NSUN6: variants seen among roughly 807,000 people sequenced by gnomAD.
The protein encoded by NSUN6 is NOP2/Sun RNA methyltransferase 6.
A neutral mutation model predicts 58.0 loss-of-function variants in NSUN6; 64 were observed. The observed-to-expected ratio is 1.10, with a 90% CI of 0.90 to 1.36. The LOEUF (loss-of-function observed/expected upper bound fraction) is 1.36. Among genes scored for constraint, NSUN6 ranks in the 40% most tolerant of loss-of-function variants. The pLI is 0.00. For missense variants in NSUN6, 701 were observed against 550.1 expected, an observed-to-expected ratio of 1.27 and a Z score of -2.74; for synonymous variants, 231 against 193.9, an observed-to-expected ratio of 1.19 and a Z score of -1.59.
chr10:18,597,608 A>G (rs893658525), intron 6 of NSUN6, among the ~76,000 whole-genome samples: 2 of 152,076 alleles, frequency 1.3e-5, no homozygotes, highest in African/African-American at 2.4e-5. Context: ...CATCTCTACT[A>G]AAAATACATT....
chr10:18,651,878 C>T, upstream of NSUN6: 5 of 985,370 alleles, frequency 5.1e-6, no homozygotes, highest in Non-Finnish European at 6.0e-6. Flanking sequence ...AGCCAAATGG[C>T]GTGGGTTGAG....
chr10:18,563,294 G>A (rs529774652), intron 8 of NSUN6, among the ~76,000 whole-genome samples: 2 of 150,596 alleles, frequency 1.3e-5, no homozygotes, highest in East Asian at 2.0e-4. Flanking sequence ...GAATGGAATC[G>A]AGAATGCAGA....
At chr10:18,624,305 G>C (rs1047151017) in intron 3 of NSUN6, among the ~76,000 whole-genome samples, 12 of 151,966 alleles carry the variant, frequency 7.9e-5, no homozygotes, top group Middle Eastern at 3.4e-3. Context: ...GCAAAGCACA[G>C]ACAAGATAAA....
intron 3 of NSUN6, among the ~76,000 whole-genome samples, chr10:18,641,241 A>G (rs2059382874): frequency 6.6e-6 from 1 of 152,140 alleles, no homozygotes; most frequent in Non-Finnish European, 1.5e-5. Flanking sequence ...AATTTTAACA[A>G]AAGCATTTCT....
At chr10:18,586,179 T>TA in intron 7 of NSUN6, 86 bp from the exon 8 acceptor site, 1 of 1,095,204 alleles carries the variant, frequency 9.1e-7, no homozygotes, top group Non-Finnish European at 1.3e-6. Context: ...GAGAAAAACA[T>TA]GAAAAATTAT....
At chr10:18,558,814 G>A (rs890536564) in intron 8 of NSUN6, among the ~76,000 whole-genome samples, 4 of 150,418 alleles carry the variant, frequency 2.7e-5, no homozygotes, top group Non-Finnish European at 4.4e-5. Flanking sequence ...GAATGGAAGG[G>A]AGAATGGAAT....
chr10:18,572,027 C>T (rs764874333), intron 8 of NSUN6, among the ~76,000 whole-genome samples: 1 of 150,218 alleles, frequency 6.7e-6, no homozygotes, highest in Non-Finnish European at 1.5e-5. Context: ...GCATTTCATT[C>T]TCCACTGCAT....
Position 18,627,586 on chromosome 10 carries a change from T to C in NSUN6, c.312-11293A>G, listed in dbSNP as rs570614986. ...GCCCGAGCCAAAGCAGGGCGAGGCATTGCCTCACTCGGGAAGCACAAGGGG... is the reference window on the plus strand; with the variant it reads ...GCCCGAGCCAAAGCAGGGCGAGGCACTGCCTCACTCGGGAAGCACAAGGGG... On this transcript the variant is annotated intron_variant, in intron 3 of 10. Coordinates refer to ENST00000377304, the MANE Select transcript of NSUN6 (RefSeq NM_182543.5). Among the ~76,000 whole-genome samples the C allele has an allele frequency of 1.9e-3, 294 of 152,272 alleles. 1 individual carries two copies. Among genetic ancestry groups the C allele is most frequent in the African/African-American group, 6.6e-3 (275 of 41,562 alleles).
intron 7 of NSUN6, among the ~76,000 whole-genome samples, chr10:18,589,395 T>C (rs1245184179): frequency 1.3e-5 from 2 of 151,850 alleles, no homozygotes; most frequent in Non-Finnish European, 2.9e-5. Flanking sequence ...CAGGCCCAAG[T>C]TCAAATTCAG....
At chr10:18,606,384 G>A (rs1360799961) in intron 6 of NSUN6, among the ~76,000 whole-genome samples, 2 of 39,234 alleles carry the variant, frequency 5.1e-5, no homozygotes, top group African/African-American at 1.1e-4. Context: ...TACAAACAAG[G>A]CAAGATAGTT....
At chr10:18,654,365 A>G (rs2059755436), upstream of NSUN6, among the ~76,000 whole-genome samples, 1 of 152,078 alleles carries the variant, frequency 6.6e-6, no homozygotes, top group South Asian at 2.1e-4. Context: ...CCAAAATGTT[A>G]TTTCAGACTG....
At chr10:18,643,175 C>G (rs1033580568) in intron 2 of NSUN6, among the ~76,000 whole-genome samples, 1 of 151,590 alleles carries the variant, frequency 6.6e-6, no homozygotes, top group Non-Finnish European at 1.5e-5. Flanking sequence ...ATTTATACCA[C>G]AGAAATCAAC....
Position 18,548,219 on chromosome 10 carries a change from G to C in NSUN6, c.1090C>G (p.Pro364Ala), listed in dbSNP as rs1013142727. 1 of 1,612,600 alleles carries C rather than the reference G, an allele frequency of 6.2e-7. No homozygotes were observed. The highest frequency in any genetic ancestry group is 1.3e-5 in the African/African-American group (1 of 74,884). ...GTGCTATAAACCAGCACACCCTCTG[G>C]CTTCAGCAGCTGAACCGCCTAAAGA... ...LFTAAVQLLK[P>A]EGVLVYSTCT... The change falls in exon 10 of 11, where the codon CCA becomes GCA. Residue 364 changes from proline (P) to alanine (A), a missense_variant. By Grantham distance (27) the Pro-to-Ala change is conservative. Transcript: ENST00000377304.
intron 3 of NSUN6, among the ~76,000 whole-genome samples, chr10:18,624,575 C>T (rs374041347): frequency 9.9e-4 from 131 of 131,786 alleles, no homozygotes; most frequent in African/African-American, 3.5e-3. Context: ...GGCGTAGACC[C>T]GGGATGTAGA....
chr10:18,578,515 G>A (rs549399708), intron 8 of NSUN6, among the ~76,000 whole-genome samples: 159 of 152,198 alleles, frequency 1.0e-3, no homozygotes, highest in African/African-American at 3.6e-3. Context: ...CTGGCTCAGG[G>A]GAAAGGGCTG....
intron 8 of NSUN6, among the ~76,000 whole-genome samples, chr10:18,576,439 T>C (rs183395532): frequency 1.3e-5 from 2 of 152,296 alleles, no homozygotes; most frequent in African/African-American, 2.4e-5. Context: ...TATGCCATAG[T>C]TGGTCCAACA....
chr10:18,639,217 G>A lies in NSUN6; in HGVS notation c.311+3259C>T, dbSNP rs1462313476. On this transcript the variant is annotated intron_variant, in intron 3 of 10. Coordinates refer to ENST00000377304, the MANE Select transcript of NSUN6 (RefSeq NM_182543.5). Reference sequence around the variant, plus strand: ...AAGTCAAAAAGAGACTTAATAGGCCGGGTGCGGTGGCTCACACCTGTAATC... The same window carrying A: ...AAGTCAAAAAGAGACTTAATAGGCCAGGTGCGGTGGCTCACACCTGTAATC... Among the ~76,000 whole-genome samples the A allele has an allele frequency of 6.6e-5, 10 of 152,264 alleles. 1 individual carries two copies. The East Asian group carries it at 9.7e-4, about 15-fold the overall frequency.
At chr10:18,582,865 G>C (rs1465844536) in intron 8 of NSUN6, among the ~76,000 whole-genome samples, 1 of 152,196 alleles carries the variant, frequency 6.6e-6, no homozygotes, top group African/African-American at 2.4e-5. Context: ...TAAAATAGTG[G>C]AGCCATGACA....
intron 3 of NSUN6, among the ~76,000 whole-genome samples, chr10:18,641,163 G>A (rs2059380392): frequency 6.6e-6 from 1 of 152,064 alleles, no homozygotes; most frequent in South Asian, 2.1e-4. Flanking sequence ...CCCATTGCAT[G>A]GACAAATCAT....
Sources: gnomAD v4.1 joint callset for allele counts (sites outside exome capture counted in the v4.1 genomes callset) on GRCh38, gnomAD v4.1.1 for gene constraint, MANE v1.5 for transcripts, NCBI Gene and HGNC (gene_info 2026-07-23, HGNC 2026-07-21) for gene names.